STK3: variants seen among roughly 807,000 people sequenced by gnomAD.
The protein encoded by STK3 is serine/threonine-protein kinase 3.
Under a neutral mutation model 58.0 loss-of-function variants are expected in STK3, and 41 were observed. The ratio of observed to expected loss-of-function variants is 0.71; its 90% CI spans 0.55 to 0.92. The LOEUF (loss-of-function observed/expected upper bound fraction) is 0.92, where lower values mean the gene tolerates loss of function less well. STK3 is among the 40% of genes least tolerant of loss of function. STK3 has a pLI of 0.00. For missense variants in STK3, 479 were observed against 602.7 expected (o/e 0.79, Z 2.15); for synonymous variants, 170 against 191.0 (o/e 0.89, Z 0.91).
chr8:98,379,826 C>A (rs1259513608), intron 1 of STK3, among the ~76,000 whole-genome samples: 1 of 152,194 alleles, frequency 6.6e-6, no homozygotes, highest in Non-Finnish European at 1.5e-5. Context: ...AAATCGGGAT[C>A]TTGAAGAGAT....
At position 98,738,972 on chromosome 8, in the gene STK3, A is replaced by C. The variant is rs559499875; in HGVS notation, c.351+10304T>G. On this transcript the variant is annotated intron_variant, in intron 4 of 10. Coordinates refer to ENST00000419617, the MANE Select transcript of STK3 (RefSeq NM_006281.4). ...CCTGGCTCGGAGGGTCCTACGCCCAAGGAGTCTCACTGATTGCTAGCACAG... is the reference window on the plus strand; with the variant it reads ...CCTGGCTCGGAGGGTCCTACGCCCACGGAGTCTCACTGATTGCTAGCACAG... Among the ~76,000 whole-genome samples the C allele has an allele frequency of 2.7e-3, 415 of 152,330 alleles. 2 individuals are homozygous for C. The highest frequency in any genetic ancestry group is 4.5e-3 in the Non-Finnish European group (307 of 68,030).
intron 7 of STK3, 26 bp from the exon 8 acceptor site, chr8:98,579,815 A>G (rs1202675875): frequency 1.3e-6 from 2 of 1,548,084 alleles, no homozygotes; most frequent in South Asian, 2.5e-5. Flanking sequence ...TCAATGGTAT[A>G]AATTCAAAAG....
intron 3 of STK3, among the ~76,000 whole-genome samples, chr8:98,751,669 G>A (rs993448378): frequency 3.3e-5 from 5 of 152,174 alleles, no homozygotes; most frequent in African/African-American, 4.8e-5. Context: ...TCATTAAAAT[G>A]AGGCTGGGCA....
rs184338043 is a variant in STK3 at position 98,711,923 on chromosome 8, G to A, written c.352-4612C>T. ...CCCACAAAGGGAAGCCCATCAGACT[G>A]ACAGCTGATCTCTCGGCAGAAACTC... On this transcript the variant is annotated intron_variant, in intron 4 of 10. Coordinates refer to ENST00000419617, the MANE Select transcript of STK3 (RefSeq NM_006281.4). Among the ~76,000 whole-genome samples, 1,437 of 152,294 alleles carry A rather than the reference G, an allele frequency of 9.4e-3. 17 individuals are homozygous for A. The highest frequency in any genetic ancestry group is 0.032 in the African/African-American group (1,329 of 41,558).
chr8:98,770,340 A>T (rs1373848514), intron 2 of STK3, among the ~76,000 whole-genome samples: 1 of 152,208 alleles, frequency 6.6e-6, no homozygotes, highest in Admixed American at 6.5e-5. Context: ...TACTATTCAC[A>T]CTAAAAAAGT....
chr8:98,799,033 C>A (rs1314424688), intron 1 of STK3, among the ~76,000 whole-genome samples: 3 of 152,144 alleles, frequency 2.0e-5, no homozygotes, highest in African/African-American at 7.2e-5. Context: ...ACTTCCCAGT[C>A]TTTAGAACCA....
intron 1 of STK3, among the ~76,000 whole-genome samples, chr8:98,447,548 CTATA>C (rs139329925): frequency 1.4e-5 from 2 of 143,492 alleles, no homozygotes; most frequent in Non-Finnish European, 3.0e-5. Context: ...TGCATATATA[CTATA>C]TATATATATA....
intron 10 of STK3, among the ~76,000 whole-genome samples, chr8:98,514,854 A>G (rs1378364958): frequency 2.0e-5 from 3 of 152,170 alleles, no homozygotes; most frequent in African/African-American, 7.2e-5. Context: ...AAAACTCTAT[A>G]CATCCATAAC....
chr8:98,451,910 A>C (rs35697639), downstream of STK3, among the ~76,000 whole-genome samples: 46,471 of 148,820 alleles, frequency 0.31, 8,607 homozygotes, highest in Admixed American at 0.49. Flanking sequence ...AAAAAAAAAA[A>C]CCCTGGTACT....
downstream of STK3, among the ~76,000 whole-genome samples, chr8:98,451,554 A>G (rs118181807): frequency 9.3e-4 from 141 of 152,312 alleles, no homozygotes; most frequent in Non-Finnish European, 1.8e-3. Context: ...GTGGTGGCAA[A>G]GAGTCTGACT....
intron 1 of STK3, among the ~76,000 whole-genome samples, chr8:98,439,956 C>T (rs929485857): frequency 7.9e-5 from 12 of 152,186 alleles, no homozygotes; most frequent in African/African-American, 2.7e-4. Context: ...GGGCACAACA[C>T]GGCACCTCTC....
chr8:98,698,236 T>G (rs982748819), intron 6 of STK3, among the ~76,000 whole-genome samples: 9 of 151,534 alleles, frequency 5.9e-5, no homozygotes, highest in African/African-American at 2.2e-4. Context: ...CTCCATCCTT[T>G]TATTTTGAGC....
intron 2 of STK3, among the ~76,000 whole-genome samples, chr8:98,434,907 G>T (rs910908320): frequency 6.6e-6 from 1 of 152,248 alleles, no homozygotes; most frequent in African/African-American, 2.4e-5. Flanking sequence ...GCAATGTCTA[G>T]TGACATTATT....
chr8:98,414,771 G>A (rs548741808), intron 3 of STK3, among the ~76,000 whole-genome samples: 2 of 152,240 alleles, frequency 1.3e-5, no homozygotes, highest in South Asian at 2.1e-4. Flanking sequence ...GGCCACTTCT[G>A]AGCCTAGACT....
At chr8:98,808,738 A>G (rs1157782597) in intron 1 of STK3, among the ~76,000 whole-genome samples, 1 of 152,206 alleles carries the variant, frequency 6.6e-6, no homozygotes, top group Non-Finnish European at 1.5e-5. Flanking sequence ...TTCCCGAATG[A>G]TAAGGGTGGA....
chr8:98,738,873 G>A (rs1238535818), intron 4 of STK3, among the ~76,000 whole-genome samples: 3 of 152,208 alleles, frequency 2.0e-5, no homozygotes, highest in East Asian at 1.9e-4. Context: ...CTGGAAAATC[G>A]GGTCACTCCC....
intron 3 of STK3, among the ~76,000 whole-genome samples, chr8:98,873,281 A>C (rs1340783942): frequency 6.6e-6 from 1 of 152,184 alleles, no homozygotes; most frequent in Non-Finnish European, 1.5e-5. Context: ...TTTTGGAATA[A>C]GTATGATGTG....
upstream of STK3, among the ~76,000 whole-genome samples, chr8:98,830,393 G>A (rs1835480588): frequency 1.3e-5 from 2 of 152,130 alleles, no homozygotes; most frequent in Non-Finnish European, 2.9e-5. Flanking sequence ...GAGGCCAAGG[G>A]AACAATAAGT....
chr8:98,506,378 G>A (rs1824082563), intron 10 of STK3, among the ~76,000 whole-genome samples: 1 of 152,174 alleles, frequency 6.6e-6, no homozygotes, highest in Admixed American at 6.5e-5. Context: ...GCCCTGCCCT[G>A]CTTCAGCTTG....
Sources: gnomAD v4.1 joint callset for allele counts (sites outside exome capture counted in the v4.1 genomes callset) on GRCh38, gnomAD v4.1.1 for gene constraint, MANE v1.5 for transcripts, NCBI Gene and HGNC (gene_info 2026-07-23, HGNC 2026-07-21) for gene names.